The following ASXL3 variants were observed in gnomAD, a reference collection of about 807,000 sequenced individuals.
The protein encoded by ASXL3 is ASXL transcriptional regulator 3.
ASXL3 carries 34 observed loss-of-function variants against 170.6 expected under a neutral mutation model. That is an observed-to-expected ratio of 0.20 (90% CI 0.15 to 0.27). The LOEUF (loss-of-function observed/expected upper bound fraction) is 0.27, where lower values mean the gene tolerates loss of function less well. Among genes scored for constraint, ASXL3 ranks in the 10% least tolerant of loss-of-function variants. ASXL3 has a pLI of 1.00. For missense variants in ASXL3, 2,592 were observed against 2,695.3 expected, an observed-to-expected ratio of 0.96 and a Z score of 0.85; for synonymous variants, 1,002 against 989.1, an observed-to-expected ratio of 1.01 and a Z score of -0.24.
At chr18:33,689,354 G>A (rs1369145459) in intron 8 of ASXL3, among the ~76,000 whole-genome samples, 1 of 152,178 alleles carries the variant, frequency 6.6e-6, no homozygotes, top group Non-Finnish European at 1.5e-5. Context: ...TGTAACCAGT[G>A]AAAATCAGGA....
At chr18:33,628,831 T>A (rs139823545) in intron 2 of ASXL3, among the ~76,000 whole-genome samples, 1 of 152,160 alleles carries the variant, frequency 6.6e-6, no homozygotes, top group African/African-American at 2.4e-5. Context: ...AATTCTTGTG[T>A]TCTACTTAAA....
intron 4 of ASXL3, among the ~76,000 whole-genome samples, chr18:33,648,034 A>G (rs1341013074): frequency 6.6e-6 from 1 of 152,086 alleles, no homozygotes; most frequent in Non-Finnish European, 1.5e-5. Flanking sequence ...CTGTGAGGCC[A>G]AAGTGAACAA....
At chr18:33,731,403 T>G (rs1359364877) in intron 8 of ASXL3, among the ~76,000 whole-genome samples, 1 of 152,118 alleles carries the variant, frequency 6.6e-6, no homozygotes, top group Non-Finnish European at 1.5e-5. Flanking sequence ...TTACTGATAG[T>G]TCATTATGTT....
chr18:33,614,974 A>G (rs2065400533), intron 2 of ASXL3: 1 of 152,054 alleles, frequency 6.6e-6, no homozygotes, highest in African/African-American at 2.4e-5. Context: ...GTGCTCTGGG[A>G]TTTCCGAAAT....
intron 4 of ASXL3, among the ~76,000 whole-genome samples, chr18:33,647,255 A>T (rs1330622324): frequency 6.6e-6 from 1 of 152,000 alleles, no homozygotes; most frequent in Admixed American, 6.6e-5. Flanking sequence ...ATGCTCACTG[A>T]ATGCTCTCTT....
chr18:33,682,765 G>A (rs1430531486), intron 7 of ASXL3, among the ~76,000 whole-genome samples: 3 of 151,990 alleles, frequency 2.0e-5, no homozygotes, highest in Non-Finnish European at 1.5e-5. Flanking sequence ...TTGCCCAAAC[G>A]GGCCTTAAAC....
intron 4 of ASXL3, among the ~76,000 whole-genome samples, chr18:33,646,883 G>GGC (rs1555725507): frequency 2.1e-5 from 3 of 143,920 alleles, no homozygotes; most frequent in African/African-American, 7.7e-5. Flanking sequence ...GGGGGAGCGG[G>GGC]GGGGGGGGGC....
chr18:33,676,222 C>CAAAAAAAAAAAAAAAAAAAA (rs568221465), intron 7 of ASXL3, among the ~76,000 whole-genome samples: 517 of 41,698 alleles, frequency 0.012, 101 homozygotes, highest in East Asian at 0.021. Flanking sequence ...GACTCCGTCT[C>CAAAAAAAAAAAAAAAAAAAA]AAAAAAAAAA....
intron 1 of ASXL3, among the ~76,000 whole-genome samples, chr18:33,607,200 A>G (rs2065263326): frequency 6.6e-6 from 1 of 151,968 alleles, no homozygotes; most frequent in Non-Finnish European, 1.5e-5. Context: ...TATTGGTAGT[A>G]TTCAGGCTCC....
chr18:33,746,206 G>C lies in ASXL3; in HGVS notation c.6358G>C (p.Ala2120Pro). The C allele has an allele frequency of 6.2e-7, 1 of 1,613,892 alleles. No individual in the cohort carries two copies. Among genetic ancestry groups the C allele is most frequent in the South Asian group, 1.1e-5 (1 of 91,078 alleles). The change falls in exon 12 of 12, where the codon GCA (alanine) becomes CCA (proline). Residue 2120 changes from alanine (A) to proline (P), a missense_variant. By Grantham distance (27) the Ala-to-Pro change is conservative. Coordinates refer to ENST00000269197, the MANE Select transcript of ASXL3 (RefSeq NM_030632.3). ...EQLKAFALKS[A>P]DFSSYLLSEP... ...GTTAAAAGCATTCGCGCTAAAAAGT[G>C]CAGATTTCTCTTCCTATTTGCTTTC...
Position 33,746,431 on chromosome 18 carries a change from A to G in ASXL3, c.6583A>G (p.Met2195Val), listed in dbSNP as rs1417900955. 2.5e-6 allele frequency: 4 copies of G among 1,614,048 alleles called. No homozygotes were observed. The highest frequency in any genetic ancestry group is 2.2e-5 in the South Asian group (2 of 91,084). The change falls in exon 12 of 12, where the codon ATG becomes GTG. Residue 2195 changes from methionine to valine, a missense_variant. Coordinates refer to ENST00000269197, the MANE Select transcript of ASXL3 (RefSeq NM_030632.3). Reference sequence around the variant, plus strand: ...AGGCTTGTCTGGTCAGAACGCTCAGATGCCCGTTCAGAACTTTGCCGACAG... The same window carrying G: ...AGGCTTGTCTGGTCAGAACGCTCAGGTGCCCGTTCAGAACTTTGCCGACAG... ...ATGLSGQNAQ[M>V]PVQNFADSSN...
chr18:33,604,913 G>A (rs1416819137), intron 1 of ASXL3, among the ~76,000 whole-genome samples: 1 of 151,966 alleles, frequency 6.6e-6, no homozygotes, highest in African/African-American at 2.4e-5. Flanking sequence ...GGGGGCAGAT[G>A]TTAATATTTC....
At chr18:33,625,045 G>A (rs1388589048) in intron 2 of ASXL3, among the ~76,000 whole-genome samples, 3 of 152,104 alleles carry the variant, frequency 2.0e-5, no homozygotes, top group Admixed American at 1.3e-4. Context: ...TCACTGCCAC[G>A]TTAATACTCC....
At chr18:33,675,986 A>G (rs1040125796) in intron 7 of ASXL3, among the ~76,000 whole-genome samples, 2 of 151,992 alleles carry the variant, frequency 1.3e-5, no homozygotes, top group Non-Finnish European at 2.9e-5. Flanking sequence ...GCACTTTGGG[A>G]GGCCAAGGCG....
intron 5 of ASXL3, among the ~76,000 whole-genome samples, chr18:33,664,700 C>T (rs1377013686): frequency 6.6e-6 from 1 of 152,158 alleles, no homozygotes; most frequent in Non-Finnish European, 1.5e-5. Flanking sequence ...TACTTTCTAC[C>T]CCTGCCTAAA....
intron 2 of ASXL3, among the ~76,000 whole-genome samples, chr18:33,634,242 T>C (rs2065731719): frequency 6.6e-6 from 1 of 151,864 alleles, no homozygotes; most frequent in African/African-American, 2.4e-5. Context: ...ATAAACAATT[T>C]TTTTCTGCTT....
intron 10 of ASXL3, among the ~76,000 whole-genome samples, chr18:33,737,217 A>C (rs2067563176): frequency 6.6e-6 from 1 of 152,190 alleles, no homozygotes; most frequent in Non-Finnish European, 1.5e-5. Context: ...GAATTTAAAT[A>C]AAGAAGGCTA....
chr18:33,684,123 C>T (rs2066555581), intron 8 of ASXL3, among the ~76,000 whole-genome samples: 1 of 152,020 alleles, frequency 6.6e-6, no homozygotes, highest in African/African-American at 2.4e-5. Context: ...TGAGGAAATA[C>T]AAATATAGAC....
rs80002492 is a variant in ASXL3, at chr18:33,666,022, A to G, written c.477+4285A>G. Reference sequence around the variant, plus strand: ...AGCATTAAAGTTGAAATCCAATTATACTCCTTCTCATAACACCATCGATAT... The same window carrying G: ...AGCATTAAAGTTGAAATCCAATTATGCTCCTTCTCATAACACCATCGATAT... On this transcript the variant is annotated intron_variant, in intron 5 of 11. Transcript: ENST00000269197. Among the ~76,000 whole-genome samples the G allele has an allele frequency of 1.5e-3, 229 of 152,070 alleles. 2 individuals are homozygous for G. Among genetic ancestry groups the G allele is most frequent in the East Asian group, 0.013 (66 of 5,156 alleles).
Sources: allele counts gnomAD v4.1 joint callset (sites outside exome capture counted in the v4.1 genomes callset), GRCh38; gene constraint gnomAD v4.1.1; transcripts MANE v1.5; gene names NCBI Gene and HGNC (gene_info 2026-07-23, HGNC 2026-07-21).